Variants in PLEKHA7 observed in about 807,000 individuals in gnomAD.
PLEKHA7 encodes pleckstrin homology domain-containing family A member 7.
A neutral mutation model predicts 170.0 loss-of-function variants in PLEKHA7; 104 were observed. The observed-to-expected ratio is 0.61, with a 90% CI of 0.52 to 0.72. The LOEUF is 0.72. Ranked by LOEUF, PLEKHA7 falls within the 30% of genes least tolerant of loss-of-function variation. The probability of loss-of-function intolerance (pLI) is 0.00; values close to 1 mark genes in which losing one functional copy is unlikely to be tolerated. For synonymous variants in PLEKHA7, 648 were observed against 660.8 expected (o/e 0.98, Z 0.30); for missense variants, 1,615 against 1,671.7 (o/e 0.97, Z 0.59).
intron 23 of PLEKHA7, chr11:16,788,275 A>G (rs1849537797): frequency 6.6e-6 from 1 of 152,434 alleles, no homozygotes; most frequent in Non-Finnish European, 1.5e-5. Context: ...TCAACAGGCT[A>G]TGGAGACAAG....
chr11:16,974,498 T>C (rs930294213), intron 3 of PLEKHA7, among the ~76,000 whole-genome samples: 28 of 152,184 alleles, frequency 1.8e-4, no homozygotes, highest in Admixed American at 7.2e-4. Flanking sequence ...CAGAGAATTC[T>C]TGTGTACCGA....
chr11:16,915,406 C>T (rs1163364801), intron 3 of PLEKHA7, among the ~76,000 whole-genome samples: 4 of 152,036 alleles, frequency 2.6e-5, no homozygotes, highest in Non-Finnish European at 2.9e-5. Context: ...TACATGTGCA[C>T]GATGTGCAGG....
At chr11:17,003,164 T>C (rs1160358246) in intron 3 of PLEKHA7, among the ~76,000 whole-genome samples, 1 of 152,094 alleles carries the variant, frequency 6.6e-6, no homozygotes, top group Admixed American at 6.6e-5. Context: ...CTAATTTTGA[T>C]ATTTTTAGTA....
rs181436020 is a variant in PLEKHA7 at position 16,838,426 on chromosome 11, T to C, written c.872+3121A>G. Among the ~76,000 whole-genome samples the C allele has an allele frequency of 1.3e-4, 20 of 151,586 alleles. No homozygotes were observed. In the East Asian group the frequency reaches 2.7e-3, roughly 21 times the overall value. On this transcript the variant is annotated intron_variant, in intron 9 of 26. Transcript: ENST00000531066. Reference sequence around the variant, plus strand: ...TACTAGGGAGGCTGACATGGGAGGATTGCTTGAGCCCAGGAGTTCGAGGCT... The same window carrying C: ...TACTAGGGAGGCTGACATGGGAGGACTGCTTGAGCCCAGGAGTTCGAGGCT...
At chr11:16,947,987 T>C (rs1266213488) in intron 3 of PLEKHA7, among the ~76,000 whole-genome samples, 1 of 150,062 alleles carries the variant, frequency 6.7e-6, no homozygotes. Context: ...AATGGAACAC[T>C]AGTCTGCCTT....
At chr11:16,892,406 TTGTGTG>T (rs58762762) in intron 3 of PLEKHA7, among the ~76,000 whole-genome samples, 146 of 136,906 alleles carry the variant, frequency 1.1e-3, no homozygotes, top group African/African-American at 3.5e-3. Context: ...TTGTTTTATT[TTGTGTG>T]TGTGTGTGTG....
chr11:16,849,783 T>C (rs1029266854), intron 8 of PLEKHA7, among the ~76,000 whole-genome samples: 1 of 152,184 alleles, frequency 6.6e-6, no homozygotes, highest in Non-Finnish European at 1.5e-5. Flanking sequence ...ATGTCATGTT[T>C]TAAAGATATA....
intron 9 of PLEKHA7, 127 bp downstream of exon 9, chr11:16,841,420 G>A: frequency 9.3e-7 from 1 of 1,080,878 alleles, no homozygotes; most frequent in South Asian, 1.9e-5. Context: ...AATGAAGAAA[G>A]TTTATAAAGA....
At chr11:16,890,348 G>A (rs1168243832) in intron 3 of PLEKHA7, among the ~76,000 whole-genome samples, 2 of 151,962 alleles carry the variant, frequency 1.3e-5, no homozygotes, top group Admixed American at 1.3e-4. Context: ...AAAGATACAG[G>A]CTGGTGGAAT....
intron 12 of PLEKHA7, among the ~76,000 whole-genome samples, chr11:16,814,963 C>T (rs1011943457): frequency 6.6e-6 from 1 of 152,234 alleles, no homozygotes; most frequent in African/African-American, 2.4e-5. Context: ...GTTTAGGGCC[C>T]CTACACCACA....
chr11:16,823,519 C>T (rs1199935981), intron 10 of PLEKHA7, among the ~76,000 whole-genome samples: 2 of 152,168 alleles, frequency 1.3e-5, no homozygotes, highest in Non-Finnish European at 2.9e-5. Context: ...ACAGACTGTA[C>T]CCACATTCCC....
intron 3 of PLEKHA7, among the ~76,000 whole-genome samples, chr11:16,875,598 C>T (rs558911588): frequency 6.6e-6 from 1 of 152,188 alleles, no homozygotes; most frequent in African/African-American, 2.4e-5. Flanking sequence ...CAGGTGCACA[C>T]CACCATGCCC....
chr11:16,796,674 T>C (rs1848252370), intron 17 of PLEKHA7, among the ~76,000 whole-genome samples: 1 of 152,186 alleles, frequency 6.6e-6, no homozygotes, highest in African/African-American at 2.4e-5. Context: ...TACTTATTTA[T>C]TTGAGATAGG....
intron 26 of PLEKHA7, among the ~76,000 whole-genome samples, chr11:16,781,918 G>A (rs1849049341): frequency 6.6e-6 from 1 of 152,166 alleles, no homozygotes; most frequent in African/African-American, 2.4e-5. Flanking sequence ...CTGGCCAGGA[G>A]CACCACCCAG....
In PLEKHA7 at chr11:16,990,287, A is replaced by AAAAAAAAAAAACC. The variant is rs1554992438; in HGVS notation, c.221+23701_221+23702insGGTTTTTTTTTTT. 6.1e-3 allele frequency among the ~76,000 whole-genome samples: 675 copies of AAAAAAAAAAAACC among 111,244 alleles called. 46 individuals carry two copies. The highest frequency in any genetic ancestry group is 0.017 in the African/African-American group (485 of 27,792). 73.0% of individuals were successfully genotyped at this position (111,244 alleles called of 152,430 possible). A position where few individuals can be genotyped will look rare whatever the true frequency, so the allele number is the denominator to read the frequency against. On this transcript the variant is annotated intron_variant, in intron 3 of 26. Transcript: ENST00000531066. ...AGACCCTGTCTCAAAAAAAAAAAAA[A>AAAAAAAAAAAACC]AAAAAAAAAAAACTTCTCCCTGTTC...
At position 16,782,400 on chromosome 11, in the gene PLEKHA7, G is replaced by C. The variant is rs192771024; in HGVS notation, c.3793+354C>G. Among the ~76,000 whole-genome samples the C allele has an allele frequency of 3.3e-4, 51 of 152,260 alleles. No homozygotes were observed. In the East Asian group the frequency reaches 9.9e-3, roughly 29 times the overall value. ...CACTTTCCTGCCCCCTTCTTCATGA[G>C]GTCAGAAACCTTGGCCCCTTGGCTC... is the stretch of plus-strand genomic sequence containing the variant. On this transcript the variant is annotated intron_variant, in intron 26 of 26. Coordinates refer to ENST00000531066, the MANE Select transcript of PLEKHA7 (RefSeq NM_001329630.2).
intron 3 of PLEKHA7, among the ~76,000 whole-genome samples, chr11:16,968,044 T>G (rs182789039): frequency 1.8e-3 from 280 of 152,096 alleles, no homozygotes; most frequent in Non-Finnish European, 3.1e-3. Flanking sequence ...GAAGAATAGA[T>G]AGAACCCCAC....
intron 13 of PLEKHA7, among the ~76,000 whole-genome samples, chr11:16,810,776 G>A (rs533733312): frequency 2.5e-4 from 38 of 152,238 alleles, no homozygotes; most frequent in African/African-American, 8.2e-4. Context: ...AAGGCCTTTG[G>A]GTACACAGTG....
chr11:16,808,732 T>C (rs1436505143), intron 13 of PLEKHA7, among the ~76,000 whole-genome samples: 2 of 152,144 alleles, frequency 1.3e-5, no homozygotes, highest in Non-Finnish European at 2.9e-5. Flanking sequence ...CACCGCAGCA[T>C]AAAGACAACT....
Sources: gnomAD v4.1 joint callset for allele counts (sites outside exome capture counted in the v4.1 genomes callset) on GRCh38, gnomAD v4.1.1 for gene constraint, MANE v1.5 for transcripts, NCBI Gene and HGNC (gene_info 2026-07-23, HGNC 2026-07-21) for gene names.